The following SLC25A21 variants were observed in gnomAD, a reference collection of about 807,000 sequenced individuals.
The protein encoded by SLC25A21 is solute carrier family 25 member 21, also known as mitochondrial 2-oxodicarboxylate carrier.
Under a neutral mutation model 43.8 loss-of-function variants are expected in SLC25A21, and 47 were observed. That is an observed-to-expected ratio of 1.07 (90% confidence interval 0.85 to 1.37). The LOEUF is 1.37. Among genes scored for constraint, SLC25A21 ranks in the 40% most tolerant of loss-of-function variants. The pLI, the probability that SLC25A21 is intolerant of heterozygous loss-of-function variation, is 0.00. For missense variants in SLC25A21, 352 were observed against 350.2 expected (o/e 1.00, Z -0.04); for synonymous variants, 131 against 121.3 (o/e 1.08, Z -0.52).
intron 2 of SLC25A21, among the ~76,000 whole-genome samples, chr14:36,857,061 T>C (rs1368324098): frequency 6.6e-6 from 1 of 152,232 alleles, no homozygotes; most frequent in Non-Finnish European, 1.5e-5. Context: ...TGTTTGACTC[T>C]AGAATACACT....
chr14:36,839,886 A>C (rs747449258), intron 2 of SLC25A21, among the ~76,000 whole-genome samples: 3 of 152,248 alleles, frequency 2.0e-5, no homozygotes, highest in Non-Finnish European at 4.4e-5. Context: ...GTGTATCTAA[A>C]TATATAAACA....
intron 3 of SLC25A21, among the ~76,000 whole-genome samples, chr14:36,777,257 C>CA (rs1297721708): frequency 2.0e-5 from 3 of 151,524 alleles, no homozygotes; most frequent in African/African-American, 7.3e-5. Context: ...GACTCTGTCT[C>CA]AAAAAAACAA....
intron 1 of SLC25A21, among the ~76,000 whole-genome samples, chr14:37,168,795 C>A (rs1488418723): frequency 3.3e-5 from 5 of 152,122 alleles, no homozygotes; most frequent in Non-Finnish European, 7.4e-5. Context: ...CAGGGGAACA[C>A]AAGGAAATAG....
chr14:37,116,806 T>A lies in SLC25A21; in HGVS notation c.70+55475A>T, dbSNP rs577643153. 2.4e-4 allele frequency among the ~76,000 whole-genome samples: 36 copies of A among 152,240 alleles called. 1 individual carries two copies. The South Asian group carries it at 7.3e-3, about 31-fold the overall frequency. ...ATCCCACTGTCAATGATAATCAAAC[T>A]AAACAACTACACATCTTTTTGTATG... On this transcript the variant is annotated intron_variant, in intron 1 of 9. Transcript: ENST00000331299.
intron 3 of SLC25A21, among the ~76,000 whole-genome samples, chr14:36,793,527 T>C (rs950684877): frequency 1.3e-5 from 1 of 79,462 alleles, no homozygotes; most frequent in Admixed American, 1.4e-4. Context: ...TCCCAGAAAA[T>C]ACAACCAAAA....
In SLC25A21 at chr14:36,812,757, G is replaced by C. The variant is rs185437036; in HGVS notation, c.203+1161C>G. On this transcript the variant is annotated intron_variant, in intron 3 of 9. Transcript: ENST00000331299. ...ATAGTGCAACCTGGCAAGACAGGTA[G>C]TGATCTACAGCAGTTAAGAGCGTGG... Among the ~76,000 whole-genome samples the C allele has an allele frequency of 1.2e-3, 187 of 152,218 alleles. No individual in the cohort carries two copies. In the Middle Eastern group the frequency reaches 0.014, roughly 11 times the overall value.
chr14:37,102,725 C>T (rs1025339539), intron 1 of SLC25A21, among the ~76,000 whole-genome samples: 1 of 151,682 alleles, frequency 6.6e-6, no homozygotes, highest in Non-Finnish European at 1.5e-5. Context: ...GTGGCTCATA[C>T]CTGTAATCGC....
intron 1 of SLC25A21, among the ~76,000 whole-genome samples, chr14:37,145,442 T>TACAC (rs779746223): frequency 6.2e-4 from 90 of 145,354 alleles, no homozygotes; most frequent in African/African-American, 2.2e-3. Flanking sequence ...AATACTAAAA[T>TACAC]ACACACACAC....
intron 3 of SLC25A21, among the ~76,000 whole-genome samples, chr14:36,749,933 CTTATT>C (rs1425887290): frequency 3.3e-5 from 5 of 152,068 alleles, no homozygotes; most frequent in African/African-American, 4.8e-5. Flanking sequence ...GATTTACTTG[CTTATT>C]TTATTTTATT....
At chr14:37,108,585 A>G (rs970148152) in intron 1 of SLC25A21, among the ~76,000 whole-genome samples, 1 of 152,190 alleles carries the variant, frequency 6.6e-6, no homozygotes, top group African/African-American at 2.4e-5. Context: ...ATCAGACAGA[A>G]AAGCTATAGA....
At chr14:36,812,413 A>C (rs1312978234) in intron 3 of SLC25A21, among the ~76,000 whole-genome samples, 1 of 151,550 alleles carries the variant, frequency 6.6e-6, no homozygotes, top group Non-Finnish European at 1.5e-5. Flanking sequence ...GTCCATAGCT[A>C]GCAATGTACT....
chr14:37,088,458 A>G (rs1962525293), intron 1 of SLC25A21, among the ~76,000 whole-genome samples: 1 of 152,224 alleles, frequency 6.6e-6, no homozygotes, highest in Non-Finnish European at 1.5e-5. Flanking sequence ...TATTATGAAT[A>G]TTTGTTCTGG....
chr14:37,142,267 T>C (rs1963583779), intron 1 of SLC25A21, among the ~76,000 whole-genome samples: 1 of 152,222 alleles, frequency 6.6e-6, no homozygotes, highest in Non-Finnish European at 1.5e-5. Flanking sequence ...CAGTGATAAT[T>C]GACTGAGACA....
At chr14:36,942,771 C>A (rs535628880) in intron 1 of SLC25A21, among the ~76,000 whole-genome samples, 1 of 152,092 alleles carries the variant, frequency 6.6e-6, no homozygotes, top group Non-Finnish European at 1.5e-5. Context: ...ATCAAGTGAC[C>A]GGCTGTTTGT....
intron 1 of SLC25A21, among the ~76,000 whole-genome samples, chr14:36,965,144 C>A (rs757841288): frequency 6.6e-6 from 1 of 152,064 alleles, no homozygotes; most frequent in Admixed American, 6.6e-5. Flanking sequence ...CTTTTAGAAT[C>A]CCCAGAATTG....
At chr14:37,056,527 T>A (rs1024499324) in intron 1 of SLC25A21, among the ~76,000 whole-genome samples, 8 of 151,860 alleles carry the variant, frequency 5.3e-5, no homozygotes, top group African/African-American at 1.9e-4. Context: ...CAGGTATGTC[T>A]TTAGAGCCAG....
rs1891802215 is a variant in SLC25A21, at chr14:36,915,374, T to C, written c.71-40370A>G. ...TCTCTTCTCTTTCAAAACTTAATTA[T>C]AGCAGAAGCACAGCAAAAGGGGTGG... On this transcript the variant is annotated intron_variant, in intron 1 of 9. Transcript: ENST00000331299. Among the ~76,000 whole-genome samples the C allele has an allele frequency of 1.3e-5, 2 of 152,096 alleles. 1 individual carries two copies. Among genetic ancestry groups the C allele is most frequent in the South Asian group, 4.1e-4 (2 of 4,820 alleles).
chr14:36,729,918 A>G (rs1186477297), intron 4 of SLC25A21, among the ~76,000 whole-genome samples: 2 of 152,194 alleles, frequency 1.3e-5, no homozygotes, highest in African/African-American at 4.8e-5. Flanking sequence ...TTGGTCTCCT[A>G]TGTTTTCTCT....
At chr14:36,978,946 G>A (rs184841976) in intron 1 of SLC25A21, among the ~76,000 whole-genome samples, 12 of 152,214 alleles carry the variant, frequency 7.9e-5, no homozygotes, top group Non-Finnish European at 1.6e-4. Flanking sequence ...AAATTAGCCA[G>A]ACGTGCTGCC....
Sources: gnomAD v4.1 joint callset for allele counts (sites outside exome capture counted in the v4.1 genomes callset) on GRCh38, gnomAD v4.1.1 for gene constraint, MANE v1.5 for transcripts, NCBI Gene and HGNC (gene_info 2026-07-23, HGNC 2026-07-21) for gene names.